The following ARHGAP10 variants were observed in gnomAD, a reference collection of about 807,000 sequenced individuals.
ARHGAP10 encodes Rho GTPase activating protein 10.
ARHGAP10 carries 87 observed loss-of-function variants against 108.6 expected under a neutral mutation model. That is an observed-to-expected ratio of 0.80 (90% CI 0.67 to 0.96). The LOEUF is 0.96. ARHGAP10 is among the 40% of genes least tolerant of loss of function. The pLI, the probability that ARHGAP10 is intolerant of heterozygous loss-of-function variation, is 0.00. For missense variants in ARHGAP10, 939 were observed against 954.5 expected, an observed-to-expected ratio of 0.98 and a Z score of 0.21; for synonymous variants, 347 against 341.1, an observed-to-expected ratio of 1.02 and a Z score of -0.19.
intron 18 of ARHGAP10, among the ~76,000 whole-genome samples, chr4:147,995,286 G>A (rs10519933): frequency 0.14 from 21,513 of 152,034 alleles, 2,427 homozygotes; most frequent in African/African-American, 0.31. Flanking sequence ...AAACATACCA[G>A]TGCGTATACA....
At chr4:147,937,482 T>C (rs1738002166) in intron 13 of ARHGAP10, among the ~76,000 whole-genome samples, 1 of 152,166 alleles carries the variant, frequency 6.6e-6, no homozygotes, top group African/African-American at 2.4e-5. Flanking sequence ...ATTCAGCCTA[T>C]AACAGAAGGA....
intron 18 of ARHGAP10, among the ~76,000 whole-genome samples, chr4:148,001,447 GA>G (rs1740715002): frequency 6.6e-6 from 1 of 152,146 alleles, no homozygotes; most frequent in African/African-American, 2.4e-5. Context: ...CCAATTCTGT[GA>G]AGAAAGTCAT....
intron 19 of ARHGAP10, among the ~76,000 whole-genome samples, chr4:148,032,645 A>G (rs1485495370): frequency 6.6e-6 from 1 of 152,166 alleles, no homozygotes; most frequent in Non-Finnish European, 1.5e-5. Context: ...GAGTTTATTA[A>G]GGAGTATTGA....
chr4:148,058,846 G>C (rs1424983483), intron 20 of ARHGAP10, among the ~76,000 whole-genome samples: 2 of 152,180 alleles, frequency 1.3e-5, no homozygotes, highest in Non-Finnish European at 2.9e-5. Context: ...CGAAATTCAG[G>C]CCCATGTTTC....
At chr4:148,016,994 A>C (rs1039775646) in intron 18 of ARHGAP10, among the ~76,000 whole-genome samples, 23 of 151,740 alleles carry the variant, frequency 1.5e-4, no homozygotes, top group Non-Finnish European at 2.5e-4. Context: ...AAAAAAAAAA[A>C]AAAAAAAAAA....
At chr4:147,852,139 T>C (rs1733897691) in intron 4 of ARHGAP10, among the ~76,000 whole-genome samples, 1 of 152,222 alleles carries the variant, frequency 6.6e-6, no homozygotes, top group Non-Finnish European at 1.5e-5. Context: ...CCCCATCACC[T>C]TGCCAAACAG....
chr4:147,832,346 T>G (rs1732984014), intron 3 of ARHGAP10, among the ~76,000 whole-genome samples: 1 of 151,630 alleles, frequency 6.6e-6, no homozygotes, highest in South Asian at 2.1e-4. Flanking sequence ...ACTTAATTTT[T>G]TTTTTTTTTT....
chr4:147,956,360 A>C (rs973100954), intron 16 of ARHGAP10, among the ~76,000 whole-genome samples: 2 of 152,142 alleles, frequency 1.3e-5, no homozygotes, highest in African/African-American at 4.8e-5. Flanking sequence ...AGCCAGTGTA[A>C]AGGTTCCTCC....
chr4:148,007,010 T>C (rs973167776), intron 18 of ARHGAP10, among the ~76,000 whole-genome samples: 16 of 152,174 alleles, frequency 1.1e-4, no homozygotes, highest in South Asian at 2.1e-4. Flanking sequence ...TTTTGCATAA[T>C]AGGATGTAGA....
chr4:148,003,117 G>T (rs962198946), intron 18 of ARHGAP10, among the ~76,000 whole-genome samples: 2 of 152,074 alleles, frequency 1.3e-5, no homozygotes, highest in Non-Finnish European at 2.9e-5. Flanking sequence ...ATGCTGTGTC[G>T]TTGTTCTCAT....
chr4:147,768,162 G>A (rs1560747649), intron 1 of ARHGAP10, among the ~76,000 whole-genome samples: 1 of 152,164 alleles, frequency 6.6e-6, no homozygotes. Context: ...GAGAAGCTTA[G>A]ATTTCTGGTG....
chr4:147,778,291 T>A (rs1346920680), intron 1 of ARHGAP10, among the ~76,000 whole-genome samples: 6 of 152,180 alleles, frequency 3.9e-5, no homozygotes, highest in Admixed American at 3.9e-4. Flanking sequence ...GCCCCTCATA[T>A]CACGTGGCCT....
intron 18 of ARHGAP10, among the ~76,000 whole-genome samples, chr4:147,970,644 A>G (rs746490811): frequency 3.3e-5 from 5 of 152,182 alleles, no homozygotes; most frequent in African/African-American, 9.7e-5. Flanking sequence ...TTAAAGCAAG[A>G]TTGCTCTAGA....
intron 1 of ARHGAP10, among the ~76,000 whole-genome samples, chr4:147,822,005 C>A (rs1016370616): frequency 6.6e-6 from 1 of 152,172 alleles, no homozygotes; most frequent in Non-Finnish European, 1.5e-5. Context: ...CTTTATATAT[C>A]TCTTGAGAAT....
In ARHGAP10 at chr4:147,866,752, A is replaced by C. The variant is rs746544060; in HGVS notation, c.638A>C (p.Gln213Pro). ...FFQGMFTFYH[Q>P]GHELAKDFNH... ...CAGGGGATGTTTACCTTCTATCATC[A>C]GGGCCATGAACTTGCCAAAGACTTC... The change falls in exon 7 of 23, where the codon CAG becomes CCG. Residue 213 changes from glutamine to proline, a missense_variant. Gln to Pro is a moderately conservative substitution (Grantham distance 76, BLOSUM62 -1). Coordinates refer to ENST00000336498, the MANE Select transcript of ARHGAP10 (RefSeq NM_024605.4). 1 of 1,613,756 alleles carries C rather than the reference A, an allele frequency of 6.2e-7. No individual in the cohort carries two copies. The highest frequency in any genetic ancestry group is 1.3e-5 in the African/African-American group (1 of 74,898).
intron 19 of ARHGAP10, among the ~76,000 whole-genome samples, chr4:148,036,326 T>G (rs1170126408): frequency 6.6e-6 from 1 of 152,190 alleles, no homozygotes; most frequent in Non-Finnish European, 1.5e-5. Context: ...CTTAGCCATT[T>G]CAGTTGAATT....
intron 1 of ARHGAP10, among the ~76,000 whole-genome samples, chr4:147,803,994 GT>G (rs1189718865): frequency 0.015 from 2,016 of 132,834 alleles, 36 homozygotes; most frequent in East Asian, 0.07. Context: ...TGTATTTTTA[GT>G]TTTTTTTTTT....
intron 18 of ARHGAP10, among the ~76,000 whole-genome samples, chr4:147,977,836 A>G (rs1247356171): frequency 1.3e-5 from 2 of 148,504 alleles, no homozygotes; most frequent in East Asian, 2.0e-4. Context: ...TGGAGTCTCC[A>G]GTGTCTATTA....
At chr4:147,734,266 T>C (rs1578979310) in intron 1 of ARHGAP10, among the ~76,000 whole-genome samples, 1 of 152,066 alleles carries the variant, frequency 6.6e-6, no homozygotes, top group South Asian at 2.1e-4. Flanking sequence ...ATATTAGCTT[T>C]CCTGCCATCA....
Sources: allele counts gnomAD v4.1 joint callset (sites outside exome capture counted in the v4.1 genomes callset), GRCh38; gene constraint gnomAD v4.1.1; transcripts MANE v1.5; gene names NCBI Gene and HGNC (gene_info 2026-07-23, HGNC 2026-07-21).